ADGRB3: variants seen among roughly 807,000 people sequenced by gnomAD.
ADGRB3 encodes the protein adhesion G protein-coupled receptor B3, also known as brain-specific angiogenesis inhibitor 3.
In ADGRB3, 37 loss-of-function variants were observed where a neutral mutation model predicts 193.4. That is an observed-to-expected ratio of 0.19 (90% confidence interval 0.15 to 0.25). The LOEUF is 0.25. Among genes scored for constraint, ADGRB3 ranks in the 10% least tolerant of loss-of-function variants. The pLI is 1.00. For missense variants in ADGRB3, 1,637 were observed against 1,852.9 expected, an observed-to-expected ratio of 0.88 and a Z score of 2.14; for synonymous variants, 690 against 644.2, an observed-to-expected ratio of 1.07 and a Z score of -1.08.
At chr6:68,692,939 C>T (rs1300472972) in intron 3 of ADGRB3, among the ~76,000 whole-genome samples, 1 of 151,020 alleles carries the variant, frequency 6.6e-6, no homozygotes, top group African/African-American at 2.4e-5. Context: ...GATTCGTAAA[C>T]ATATGGTATT....
intron 13 of ADGRB3, among the ~76,000 whole-genome samples, chr6:69,035,768 G>A (rs1001838959): frequency 6.6e-6 from 1 of 152,140 alleles, no homozygotes; most frequent in African/African-American, 2.4e-5. Context: ...GGCATGAGAA[G>A]ACAACTTTAA....
chr6:69,247,126 A>G (rs915849113), intron 20 of ADGRB3, among the ~76,000 whole-genome samples: 1 of 152,138 alleles, frequency 6.6e-6, no homozygotes, highest in Non-Finnish European at 1.5e-5. Context: ...CTCATCCTCC[A>G]TATCACTTTG....
At chr6:69,144,274 C>A (rs1344400972) in intron 17 of ADGRB3, among the ~76,000 whole-genome samples, 1 of 152,048 alleles carries the variant, frequency 6.6e-6, no homozygotes, top group East Asian at 1.9e-4. Flanking sequence ...AATCCTGAAT[C>A]CTGAATTTGT....
intron 3 of ADGRB3, among the ~76,000 whole-genome samples, chr6:68,887,070 TAC>T (rs72010174): frequency 0.23 from 34,844 of 150,568 alleles, 4,226 homozygotes; most frequent in South Asian, 0.35. Flanking sequence ...TATATATATA[TAC>T]ACACACACAC....
chr6:69,089,667 T>C (rs903492720), intron 17 of ADGRB3, among the ~76,000 whole-genome samples: 1 of 152,234 alleles, frequency 6.6e-6, no homozygotes, highest in Admixed American at 6.5e-5. Flanking sequence ...TTTATCTTTG[T>C]AGGATGTACT....
Position 68,956,110 on chromosome 6 carries a change from A to C in ADGRB3, c.1282A>C (p.Thr428Pro), listed in dbSNP as rs777527910. The C allele has an allele frequency of 1.2e-6, 2 of 1,614,012 alleles. No individual in the cohort carries two copies. Among genetic ancestry groups the C allele is most frequent in the Non-Finnish European group, 1.7e-6 (2 of 1,179,958 alleles). ...NGTQQRSRQC[T>P]AAAHGGSECR... ...GACTCAGCAGAGAAGCCGGCAGTGC[A>C]CTGCAGCTGCCCATGGAGGCTCCGA... Residue 428 changes from threonine (T) to proline (P), a missense_variant, in exon 7 of 32, where the codon ACT becomes CCT. Thr to Pro is a conservative substitution (Grantham distance 38). Around this residue, in one of 7 missense-constraint regions of ADGRB3, gnomAD observed 641 missense variants for 673.9 expected, o/e 0.95. Coordinates refer to ENST00000370598, the MANE Select transcript of ADGRB3 (RefSeq NM_001704.3).
intron 3 of ADGRB3, among the ~76,000 whole-genome samples, chr6:68,912,817 G>T (rs528424911): frequency 6.6e-6 from 1 of 152,216 alleles, no homozygotes; most frequent in East Asian, 1.9e-4. Flanking sequence ...TCAAAGAAAG[G>T]GGTGACAGAC....
intron 8 of ADGRB3, among the ~76,000 whole-genome samples, chr6:68,974,539 G>C (rs1768683349): frequency 6.6e-6 from 1 of 152,070 alleles, no homozygotes; most frequent in African/African-American, 2.4e-5. Context: ...AGACTAAGGA[G>C]GGAGGATGGC....
At chr6:68,704,708 G>C (rs1401216624) in intron 3 of ADGRB3, among the ~76,000 whole-genome samples, 1 of 152,192 alleles carries the variant, frequency 6.6e-6, no homozygotes. Context: ...TGATAAATCA[G>C]TGCTAAATAA....
At chr6:68,733,483 A>T (rs745323263) in intron 3 of ADGRB3, among the ~76,000 whole-genome samples, 3 of 151,758 alleles carry the variant, frequency 2.0e-5, no homozygotes, top group African/African-American at 7.3e-5. Context: ...GGGGACTTCA[A>T]AAAGGGGGAA....
intron 3 of ADGRB3, among the ~76,000 whole-genome samples, chr6:68,744,573 T>C (rs1162249690): frequency 6.6e-6 from 1 of 152,218 alleles, no homozygotes; most frequent in African/African-American, 2.4e-5. Context: ...AATGATGAGT[T>C]CATGTCCTTT....
intron 3 of ADGRB3, among the ~76,000 whole-genome samples, chr6:68,831,227 G>T (rs1405582098): frequency 7.1e-6 from 1 of 141,296 alleles, no homozygotes; most frequent in Non-Finnish European, 1.5e-5. Context: ...ACAAAAGACA[G>T]AAAAGAAGTC....
In ADGRB3 at chr6:69,060,824, T is replaced by C. The variant is rs143477801; in HGVS notation, c.2334-2110T>C. ...AATTTCTCTGGTAATGACAGGTGGA[T>C]ATTTCCCCTAACTCTAAGCTGTATA... On this transcript the variant is annotated intron_variant, in intron 15 of 31. Transcript: ENST00000370598. 2.0e-5 allele frequency among the ~76,000 whole-genome samples: 3 copies of C among 152,156 alleles called. No homozygotes were observed. The East Asian group carries it at 5.8e-4, about 29-fold the overall frequency.
intron 3 of ADGRB3, among the ~76,000 whole-genome samples, chr6:68,819,396 C>T (rs1272805998): frequency 6.6e-6 from 1 of 151,978 alleles, no homozygotes; most frequent in African/African-American, 2.4e-5. Context: ...CATTGCCCCT[C>T]CATTCTGTGT....
chr6:68,991,396 A>G (rs973965043), intron 10 of ADGRB3, among the ~76,000 whole-genome samples: 9 of 152,102 alleles, frequency 5.9e-5, no homozygotes, highest in African/African-American at 2.2e-4. Flanking sequence ...AACAAGAAAT[A>G]GAAGGCACAA....
At chr6:68,752,627 G>A (rs899820808) in intron 3 of ADGRB3, among the ~76,000 whole-genome samples, 3 of 152,116 alleles carry the variant, frequency 2.0e-5, no homozygotes, top group African/African-American at 7.2e-5. Flanking sequence ...AGACTAAGAA[G>A]TACATAGACT....
In ADGRB3 at chr6:68,787,543, G is replaced by A. The variant is rs141560076; in HGVS notation, c.758-143016G>A. 1.2e-3 allele frequency among the ~76,000 whole-genome samples: 187 copies of A among 152,172 alleles called. 1 individual carries two copies. The highest frequency in any genetic ancestry group is 3.4e-3 in the Middle Eastern group (1 of 292). ...TGGATAAGCTTTTTGATGTGCTGCC[G>A]GATTCGGTTTGCCAGTATTTTACTG... On this transcript the variant is annotated intron_variant, in intron 3 of 31. Transcript: ENST00000370598.
At chr6:68,945,995 A>G (rs190113837) in intron 6 of ADGRB3, among the ~76,000 whole-genome samples, 35 of 152,154 alleles carry the variant, frequency 2.3e-4, no homozygotes, top group Non-Finnish European at 4.4e-4. Context: ...TGACTATATT[A>G]TTTGTAAATG....
intron 3 of ADGRB3, among the ~76,000 whole-genome samples, chr6:68,876,380 A>G (rs1379296763): frequency 6.6e-6 from 1 of 152,190 alleles, no homozygotes; most frequent in African/African-American, 2.4e-5. Flanking sequence ...AACTAAACTC[A>G]TAAGACCAAA....
Sources: gnomAD v4.1 joint callset for allele counts (sites outside exome capture counted in the v4.1 genomes callset) on GRCh38, gnomAD v4.1.1 for gene constraint, gnomAD v4.1.1 regional missense constraint, MANE v1.5 for transcripts, NCBI Gene and HGNC (gene_info 2026-07-23, HGNC 2026-07-21) for gene names.